Variants in TPST1 observed in about 807,000 individuals in gnomAD.
TPST1 encodes protein-tyrosine sulfotransferase 1.
TPST1 carries 20 observed loss-of-function variants against 34.8 expected under a neutral mutation model. The ratio of observed to expected loss-of-function variants is 0.57; its 90% CI spans 0.40 to 0.84. TPST1 has a LOEUF of 0.84. TPST1 is among the 40% of genes least tolerant of loss of function. The probability of loss-of-function intolerance (pLI) is 0.00; values close to 1 mark genes in which losing one functional copy is unlikely to be tolerated. For missense variants in TPST1, 353 were observed against 455.5 expected, an observed-to-expected ratio of 0.78 and a Z score of 2.05; for synonymous variants, 152 against 159.4, an observed-to-expected ratio of 0.95 and a Z score of 0.35.
chr7:66,227,613 G>T (rs1312755696), intron 1 of TPST1, among the ~76,000 whole-genome samples: 1 of 152,042 alleles, frequency 6.6e-6, no homozygotes, highest in Admixed American at 6.6e-5. Context: ...ACTCTAATGG[G>T]CAGCAGTAGA....
At chr7:66,268,771 C>G (rs913409246) in intron 2 of TPST1, among the ~76,000 whole-genome samples, 1 of 152,026 alleles carries the variant, frequency 6.6e-6, no homozygotes, top group African/African-American at 2.4e-5. Flanking sequence ...TCACTGCAAC[C>G]TCTGCCTCTC....
chr7:66,338,114 G>A (rs1792158985), intron 3 of TPST1, among the ~76,000 whole-genome samples: 1 of 152,114 alleles, frequency 6.6e-6, no homozygotes, highest in Admixed American at 6.5e-5. Context: ...GTAAAGATAA[G>A]CACAGACTGA....
At chr7:66,257,898 G>A (rs1790411484) in intron 2 of TPST1, among the ~76,000 whole-genome samples, 1 of 152,178 alleles carries the variant, frequency 6.6e-6, no homozygotes, top group Admixed American at 6.5e-5. Flanking sequence ...GTTGTATTTT[G>A]TCAAATTGAA....
intron 3 of TPST1, among the ~76,000 whole-genome samples, chr7:66,318,732 G>A (rs1791688966): frequency 6.6e-6 from 1 of 152,124 alleles, no homozygotes; most frequent in African/African-American, 2.4e-5. Context: ...TCAAAGTGCT[G>A]GGAGTATAGG....
upstream of TPST1, among the ~76,000 whole-genome samples, chr7:66,201,195 G>A (rs1334948387): frequency 6.6e-6 from 1 of 152,070 alleles, no homozygotes; most frequent in Non-Finnish European, 1.5e-5. Flanking sequence ...GTCTTGGACA[G>A]TTTTTCAGGA....
chr7:66,209,604 C>T (rs774422102), intron 1 of TPST1, among the ~76,000 whole-genome samples: 3 of 152,180 alleles, frequency 2.0e-5, no homozygotes, highest in Admixed American at 1.3e-4. Flanking sequence ...TGCGTTTTCC[C>T]ACTTAGCCAC....
chr7:66,265,549 CAAAAAAAA>C (rs61289876), intron 2 of TPST1, among the ~76,000 whole-genome samples: 1 of 129,214 alleles, frequency 7.7e-6, no homozygotes, highest in Non-Finnish European at 1.7e-5. Flanking sequence ...AACCCTGTCT[CAAAAAAAA>C]AAAAAAGAAA....
chr7:66,323,491 T>G (rs1195023453), intron 3 of TPST1, among the ~76,000 whole-genome samples: 3 of 152,236 alleles, frequency 2.0e-5, no homozygotes, highest in Non-Finnish European at 4.4e-5. Flanking sequence ...TCTTTATATT[T>G]TATTATTATG....
chr7:66,312,855 T>G (rs1022467792), intron 3 of TPST1, among the ~76,000 whole-genome samples: 1 of 152,096 alleles, frequency 6.6e-6, no homozygotes, highest in Non-Finnish European at 1.5e-5. Context: ...AATAGAGATT[T>G]AACTGGTGAC....
chr7:66,237,320 AC>A lies in TPST1; in HGVS notation c.-101-3002del, dbSNP rs553558915. ...CCTTACACAGACCCTCATTGTTCTT[AC>A]CCACCTTTTAGCAGTTTTTCAAGCA... On this transcript the variant is annotated intron_variant, in intron 1 of 5. Transcript: ENST00000304842. Among the ~76,000 whole-genome samples the A allele has an allele frequency of 1.5e-3, 235 of 152,212 alleles. 1 individual carries two copies. The highest frequency in any genetic ancestry group is 5.1e-3 in the African/African-American group (212 of 41,554).
At chr7:66,247,210 C>G (rs1426149158) in intron 2 of TPST1, among the ~76,000 whole-genome samples, 1 of 152,136 alleles carries the variant, frequency 6.6e-6, no homozygotes, top group Non-Finnish European at 1.5e-5. Flanking sequence ...GGCAGATCAC[C>G]TGAGGGCAGT....
At chr7:66,316,665 T>TA (rs1791638721) in intron 3 of TPST1, among the ~76,000 whole-genome samples, 2 of 152,236 alleles carry the variant, frequency 1.3e-5, no homozygotes, top group African/African-American at 4.8e-5. Flanking sequence ...TATTGTAACA[T>TA]ACGGACTATC....
chr7:66,295,089 T>G (rs929149127), intron 3 of TPST1, among the ~76,000 whole-genome samples: 3 of 152,140 alleles, frequency 2.0e-5, no homozygotes, highest in African/African-American at 7.2e-5. Context: ...TGAACATCTT[T>G]GCAGATACTC....
chr7:66,215,795 C>T (rs1260479255), intron 1 of TPST1, among the ~76,000 whole-genome samples: 3 of 110,778 alleles, frequency 2.7e-5, no homozygotes, highest in South Asian at 2.7e-4. Context: ...TTTTTTGAGA[C>T]GGAGTCTCGC....
intron 1 of TPST1, among the ~76,000 whole-genome samples, chr7:66,234,751 A>G (rs1789876052): frequency 6.6e-6 from 1 of 151,878 alleles, no homozygotes; most frequent in African/African-American, 2.4e-5. Flanking sequence ...ATCTCAGCTC[A>G]CTGCAAGCTC....
At chr7:66,265,758 G>A (rs1335527435) in intron 2 of TPST1, among the ~76,000 whole-genome samples, 4 of 152,028 alleles carry the variant, frequency 2.6e-5, no homozygotes, top group African/African-American at 7.3e-5. Flanking sequence ...GAGAAAAGCA[G>A]CTCATCATGT....
chr7:66,223,252 G>A (rs1789580881), intron 1 of TPST1, among the ~76,000 whole-genome samples: 1 of 151,772 alleles, frequency 6.6e-6, no homozygotes. Flanking sequence ...TTCAAGACCA[G>A]CCTGGGCATC....
intron 3 of TPST1, chr7:66,344,199 C>T (rs185969228): frequency 4.6e-5 from 7 of 152,154 alleles, no homozygotes; most frequent in African/African-American, 1.4e-4. Flanking sequence ...AGTTGAGGGC[C>T]AGCCTAGGCA....
intron 2 of TPST1, among the ~76,000 whole-genome samples, chr7:66,256,804 A>G (rs564216350): frequency 5.9e-5 from 9 of 152,208 alleles, no homozygotes; most frequent in Admixed American, 2.6e-4. Flanking sequence ...GTGGCCCCCA[A>G]TGACTCATGT....
Sources: gnomAD v4.1 joint callset for allele counts (sites outside exome capture counted in the v4.1 genomes callset) on GRCh38, gnomAD v4.1.1 for gene constraint, MANE v1.5 for transcripts, NCBI Gene and HGNC (gene_info 2026-07-23, HGNC 2026-07-21) for gene names.